HS2ST1: variants seen among roughly 807,000 people sequenced by gnomAD.
The protein encoded by HS2ST1 is heparan sulfate 2-O-sulfotransferase 1, also known as 2-O-sulfotransferase.
In HS2ST1, 18 loss-of-function variants were observed where a neutral mutation model predicts 42.9. That is an observed-to-expected ratio of 0.42 (90% CI 0.29 to 0.62). The LOEUF (loss-of-function observed/expected upper bound fraction) is 0.62. HS2ST1 is among the 20% of genes least tolerant of loss of function. The probability of loss-of-function intolerance (pLI) is 0.21; values close to 1 mark genes in which losing one functional copy is unlikely to be tolerated. For synonymous variants in HS2ST1, 146 were observed against 152.9 expected (o/e 0.95, Z 0.33); for missense variants, 334 against 433.8 (o/e 0.77, Z 2.04).
intron 1 of HS2ST1, chr1:87,064,474 C>T (rs747378501): frequency 2.1e-5 from 11 of 518,420 alleles, no homozygotes; most frequent in Non-Finnish European, 3.5e-5. Context: ...TCACTGTTAG[C>T]TCTTTTTTAT....
At chr1:86,967,666 A>G (rs553570815) in intron 1 of HS2ST1, among the ~76,000 whole-genome samples, 38 of 152,338 alleles carry the variant, frequency 2.5e-4, no homozygotes, top group African/African-American at 7.2e-4. Flanking sequence ...TCCATGGTGT[A>G]TATATACCAC....
intron 1 of HS2ST1, among the ~76,000 whole-genome samples, chr1:87,021,995 T>C (rs868858801): frequency 6.6e-6 from 1 of 152,236 alleles, no homozygotes; most frequent in South Asian, 2.1e-4. Context: ...GTACTTTGAG[T>C]TAATTTCTAT....
intron 1 of HS2ST1, among the ~76,000 whole-genome samples, chr1:86,923,990 C>CTGAG (rs1184160002): frequency 6.6e-6 from 1 of 152,212 alleles, no homozygotes; most frequent in Non-Finnish European, 1.5e-5. Flanking sequence ...AAAGTCTCAT[C>CTGAG]TGAGACAAGG....
At chr1:87,040,947 G>A (rs751629897) in intron 1 of HS2ST1, among the ~76,000 whole-genome samples, 23 of 152,196 alleles carry the variant, frequency 1.5e-4, no homozygotes, top group Admixed American at 2.6e-4. Flanking sequence ...ACTTTTCAGG[G>A]TTATTGAAGG....
chr1:87,060,182 T>A (rs1224218985), intron 1 of HS2ST1, among the ~76,000 whole-genome samples: 2 of 152,160 alleles, frequency 1.3e-5, no homozygotes, highest in African/African-American at 2.4e-5. Flanking sequence ...ACAGCATGTT[T>A]TTCTTTTAAG....
chr1:86,993,247 C>A, intron 1 of HS2ST1: 1 of 1,224,820 alleles, frequency 8.2e-7, no homozygotes, highest in Non-Finnish European at 1.1e-6. Flanking sequence ...ACTTAGAAAT[C>A]TAAAAACTGA....
At chr1:87,026,669 A>T (rs929338745) in intron 1 of HS2ST1, among the ~76,000 whole-genome samples, 6 of 152,114 alleles carry the variant, frequency 3.9e-5, no homozygotes, top group African/African-American at 1.2e-4. Context: ...CCCTAAGTTC[A>T]TTGGCATTTC....
chr1:87,070,741 G>A (rs1217663600), intron 1 of HS2ST1, among the ~76,000 whole-genome samples: 1 of 152,080 alleles, frequency 6.6e-6, no homozygotes, highest in Non-Finnish European at 1.5e-5. Context: ...AAAATAGTAT[G>A]GTATGTGCTT....
At chr1:86,971,874 T>A (rs1489799870) in intron 1 of HS2ST1, among the ~76,000 whole-genome samples, 1 of 152,168 alleles carries the variant, frequency 6.6e-6, no homozygotes, top group Non-Finnish European at 1.5e-5. Context: ...TCAGAAGATA[T>A]GAAAACTATC....
chr1:87,044,355 C>T (rs2100607349), intron 1 of HS2ST1, among the ~76,000 whole-genome samples: 1 of 152,142 alleles, frequency 6.6e-6, no homozygotes, highest in South Asian at 2.1e-4. Context: ...TAACCTGAAA[C>T]TATAACAATA....
At chr1:87,001,890 G>A (rs1184258612) in intron 1 of HS2ST1, among the ~76,000 whole-genome samples, 1 of 152,078 alleles carries the variant, frequency 6.6e-6, no homozygotes, top group Non-Finnish European at 1.5e-5. Context: ...TGGGATTACA[G>A]GTGTGAGCCA....
At chr1:86,915,646 A>T (rs149683221) in intron 1 of HS2ST1, among the ~76,000 whole-genome samples, 2 of 152,200 alleles carry the variant, frequency 1.3e-5, no homozygotes, top group African/African-American at 2.4e-5. Flanking sequence ...ATGGGAGGAG[A>T]TGCTGGGATG....
intron 1 of HS2ST1, among the ~76,000 whole-genome samples, chr1:86,982,678 C>G (rs188644225): frequency 6.6e-6 from 1 of 152,086 alleles, no homozygotes; most frequent in Non-Finnish European, 1.5e-5. Flanking sequence ...CCACGCCCGG[C>G]TAATTTTTTG....
chr1:87,021,702 G>A (rs1032962834), intron 1 of HS2ST1, among the ~76,000 whole-genome samples: 11 of 152,068 alleles, frequency 7.2e-5, no homozygotes, highest in African/African-American at 2.7e-4. Context: ...TTTTTATGGA[G>A]ACACAGTCTC....
intron 1 of HS2ST1, among the ~76,000 whole-genome samples, chr1:86,985,383 T>TACAC (rs1318154258): frequency 2.2e-5 from 1 of 44,706 alleles, no homozygotes; most frequent in Non-Finnish European, 5.4e-5. Context: ...TATATATATA[T>TACAC]ACACACACAC....
intron 1 of HS2ST1, among the ~76,000 whole-genome samples, chr1:87,064,330 G>A (rs1651193870): frequency 6.6e-6 from 1 of 152,056 alleles, no homozygotes. Flanking sequence ...TAGGTCCCAG[G>A]GGTTCCAGTA....
At chr1:86,952,212 A>G (rs189348905) in intron 1 of HS2ST1, among the ~76,000 whole-genome samples, 6 of 152,256 alleles carry the variant, frequency 3.9e-5, no homozygotes, top group African/African-American at 1.2e-4. Context: ...CGTGGCAGCT[A>G]TAGCCTTACA....
intron 5 of HS2ST1, among the ~76,000 whole-genome samples, chr1:87,098,887 C>T (rs1046286479): frequency 6.6e-6 from 1 of 152,136 alleles, no homozygotes; most frequent in African/African-American, 2.4e-5. Flanking sequence ...GTTCACAATT[C>T]TTCTGTCTCA....
chr1:87,040,227 A>C (rs1650485067), intron 1 of HS2ST1, among the ~76,000 whole-genome samples: 1 of 152,102 alleles, frequency 6.6e-6, no homozygotes, highest in Non-Finnish European at 1.5e-5. Context: ...CCTTATTCTG[A>C]TATAATTGAG....
Sources: allele counts gnomAD v4.1 joint callset (sites outside exome capture counted in the v4.1 genomes callset), GRCh38; gene constraint gnomAD v4.1.1; transcripts MANE v1.5; gene names NCBI Gene and HGNC (gene_info 2026-07-23, HGNC 2026-07-21).